CCHCR1: variants seen among roughly 807,000 people sequenced by gnomAD.
The protein encoded by CCHCR1 is coiled-coil alpha-helical rod protein 1.
Under a neutral mutation model 114.6 loss-of-function variants are expected in CCHCR1, and 91 were observed. The observed-to-expected ratio is 0.79, with a 90% confidence interval of 0.67 to 0.94. CCHCR1 has a LOEUF of 0.94. Ranked by LOEUF, CCHCR1 falls within the 40% of genes least tolerant of loss-of-function variation. The pLI is 0.00. For missense variants in CCHCR1, 899 were observed against 1,079.9 expected, an observed-to-expected ratio of 0.83 and a Z score of 2.35; for synonymous variants, 379 against 428.5, an observed-to-expected ratio of 0.88 and a Z score of 1.43.
chr6:31,143,366 G>C lies in CCHCR1; in HGVS notation c.2215C>G (p.Arg739Gly). The change falls in exon 16 of 18, where the codon CGG becomes GGG. Residue 739 changes from arginine to glycine, a missense_variant. Arg to Gly is a moderately radical substitution (Grantham distance 125, BLOSUM62 -2). Transcript: ENST00000396268. The surrounding 1 kb of genome is among the most constrained non-coding windows in gnomAD (Gnocchi z 5.3). ...TGCAGACGCCTGAGTTCCTGGCTCC[G>C]CTCCTTTTCCTGGGCGGCTCTGCGC... ...IQRRAAQEKE[R>G]SQELRRLQEE... 1 of 1,612,856 alleles carries C rather than the reference G, an allele frequency of 6.2e-7. No homozygotes were observed. Among genetic ancestry groups the C allele is most frequent in the South Asian group, 1.1e-5 (1 of 91,082 alleles).
Position 31,143,200 on chromosome 6 carries a change from TAGCCCAGGAACC to T in CCHCR1, c.2319+50_2319+61del. 2.5e-6 allele frequency: 4 copies of T among 1,610,500 alleles called. No individual in the cohort carries two copies. On this transcript the variant is annotated intron_variant, in intron 16 of 17. Transcript: ENST00000396268. The surrounding 1 kb of genome is among the most constrained non-coding windows in gnomAD (Gnocchi z 5.3). The stretch of plus-strand genomic sequence containing the variant: ...CCTCACCATCCTCTTTCCACACCTC[TAGCCCAGGAACC>T]AGCCCAGGATGGGCCCTAGTGTCTG...
rs1773906554 is a variant in CCHCR1 at position 31,143,814 on chromosome 6, A to G, written c.2168-401T>C. Among the ~76,000 whole-genome samples, 1 of 152,200 alleles carries G rather than the reference A, an allele frequency of 6.6e-6. No individual in the cohort carries two copies. The highest frequency in any genetic ancestry group is 1.5e-5 in the Non-Finnish European group (1 of 68,034). On this transcript the variant is annotated intron_variant, in intron 15 of 17. Transcript: ENST00000396268. This position sits in a 1 kb window ranked among gnomAD's most constrained non-coding sequence, Gnocchi z 5.3. ...GGTGGCTCACGCCTATAATCCCAGC[A>G]CTTTGGGATGCCAAGGCGGGCGGAT...
intron 10 of CCHCR1, among the ~76,000 whole-genome samples, 172 bp from the exon 11 acceptor site, chr6:31,145,980 T>A (rs1201663464): frequency 6.6e-6 from 1 of 152,238 alleles, no homozygotes; most frequent in Non-Finnish European, 1.5e-5. Context: ...TAAATGACTA[T>A]CTTTTTAAGC....
intron 17 of CCHCR1, 60 bp from the exon 18 acceptor site, chr6:31,142,776 A>T: frequency 6.3e-7 from 1 of 1,580,834 alleles, no homozygotes; most frequent in Non-Finnish European, 8.6e-7. Context: ...GTTACAGAGG[A>T]AACAGGGCTG....
At position 31,151,047 on chromosome 6, in the gene CCHCR1, G is replaced by A; in HGVS notation, c.877C>T (p.Leu293=). The part of the protein sequence containing the change: ...TSKAEGLEKS[L]SSLETRRAGE... ...GCTCTTCTGGTTTCCAGACTACTCAGAGACTTCTCCAAGCCCTCAGCCTTG... is the reference window on the plus strand; with the variant it reads ...GCTCTTCTGGTTTCCAGACTACTCAAAGACTTCTCCAAGCCCTCAGCCTTG... Residue 293 remains leucine (L), a synonymous_variant, in exon 5 of 18, where the codon CTG becomes TTG. Coordinates refer to ENST00000396268, the MANE Select transcript of CCHCR1 (RefSeq NM_001105564.2). The surrounding 1 kb of genome is among the most constrained non-coding windows in gnomAD (Gnocchi z 4.1). The A allele has an allele frequency of 6.2e-7, 1 of 1,613,096 alleles. No homozygotes were observed. Among genetic ancestry groups the A allele is most frequent in the Non-Finnish European group, 8.5e-7 (1 of 1,180,034 alleles).
At position 31,150,379 on chromosome 6, in the gene CCHCR1, G is replaced by T; in HGVS notation, c.1212+76C>A. ...GTTCTGGGGCACATTGACCCCTCCT[G>T]CCCACAGGGAGGGAGGCAGGGGACA... On this transcript the variant is annotated intron_variant, in intron 7 of 17. Coordinates refer to ENST00000396268, the MANE Select transcript of CCHCR1 (RefSeq NM_001105564.2). The surrounding 1 kb of genome is among the most constrained non-coding windows in gnomAD (Gnocchi z 5.3). 3 of 1,391,176 alleles carry T rather than the reference G, an allele frequency of 2.2e-6. No individual in the cohort carries two copies. The highest frequency in any genetic ancestry group is 3.0e-6 in the Non-Finnish European group (3 of 990,514). The allele number at this position is 1,391,176 out of a possible 1,614,324, so 86.2% of individuals were successfully genotyped here. A position where few individuals can be genotyped will look rare whatever the true frequency, so the allele number is the denominator to read the frequency against.
rs1322403415 is a variant in CCHCR1, at chr6:31,150,751, G to A, written c.1075C>T (p.Arg359Ter). The change falls in exon 6 of 18, where the codon CGA becomes TGA. Residue 359 changes from arginine to a stop codon, truncating the protein, a stop_gained. Transcript: ENST00000396268. LOFTEE classifies it high-confidence loss of function. The surrounding 1 kb of genome is among the most constrained non-coding windows in gnomAD (Gnocchi z 5.3). ...EVHSQTWELERQKLLETMQHL... is the reference protein window; with the variant it reads ...EVHSQTWELE ...TGCATGGTTTCCAGAAGCTTCTGTC[G>A]CTCCAGTTCCCATGTCTGGCTGTGG... The A allele has an allele frequency of 3.1e-6, 5 of 1,612,886 alleles. No individual in the cohort carries two copies. The highest frequency in any genetic ancestry group is 1.7e-5 in the Admixed American group (1 of 59,986).
In CCHCR1 at chr6:31,151,038, G is replaced by C. The variant is rs892586116; in HGVS notation, c.886C>G (p.Leu296Val). 23 of 1,613,078 alleles carry C rather than the reference G, an allele frequency of 1.4e-5. No individual in the cohort carries two copies. The African/African-American group carries it at 2.3e-4, about 16-fold the overall frequency. Residue 296 changes from leucine to valine, a missense_variant, in exon 5 of 18, where the codon CTG (leucine) becomes GTG (valine). Physicochemically the swap from Leu to Val is conservative, Grantham distance 32. Transcript: ENST00000396268. This position sits in a 1 kb window ranked among gnomAD's most constrained non-coding sequence, Gnocchi z 4.1. ...GCTTCCCCTGCTCTTCTGGTTTCCA[G>C]ACTACTCAGAGACTTCTCCAAGCCC... The part of the protein sequence containing the change: ...AEGLEKSLSS[L>V]ETRRAGEAKE...
At chr6:31,148,857 G>GGGGGGGGGGGGC in intron 8 of CCHCR1, 129 bp from the exon 9 acceptor site, 1 of 84,500 alleles carries the variant, frequency 1.2e-5, no homozygotes, top group South Asian at 4.0e-4. Context: ...GGGGGGGCGG[G>GGGGGGGGGGGGC]CGACGGGGGT....
chr6:31,150,454 C>G lies in CCHCR1; in HGVS notation c.1212+1G>C, dbSNP rs755673651. The stretch of plus-strand genomic sequence containing the variant: ...TGAGGGGTCTGGGGGTTGGGCTGTA[C>G]CTTCCTGGTCAGCTCCTCCTCCTGC... On this transcript the variant is annotated splice_donor_variant, in intron 7 of 17. Coordinates refer to ENST00000396268, the MANE Select transcript of CCHCR1 (RefSeq NM_001105564.2). LOFTEE classifies it high-confidence loss of function. This position sits in a 1 kb window ranked among gnomAD's most constrained non-coding sequence, Gnocchi z 5.3. 3.4e-5 allele frequency: 54 copies of G among 1,610,224 alleles called. No individual in the cohort carries two copies. The highest frequency in any genetic ancestry group is 6.7e-5 in the Admixed American group (4 of 59,878).
intron 4 of CCHCR1, among the ~76,000 whole-genome samples, chr6:31,152,334 A>AT (rs975404428): frequency 4.6e-5 from 7 of 150,846 alleles, no homozygotes; most frequent in African/African-American, 9.8e-5. Context: ...TGAAAAAACA[A>AT]TTTTTTTTTG....
chr6:31,147,335 G>C lies in CCHCR1; in HGVS notation c.1580+1070C>G, dbSNP rs59878855. 1.7e-3 allele frequency among the ~76,000 whole-genome samples: 255 copies of C among 150,358 alleles called. 1 individual carries two copies. The highest frequency in any genetic ancestry group is 6.1e-3 in the African/African-American group (248 of 40,450). ...AAATCGTGTGAACCCGGGAGGCAGA[G>C]GTTGCAGTGAGCTGAGATCGTGCCA... On this transcript the variant is annotated intron_variant, in intron 10 of 17. Transcript: ENST00000396268.
chr6:31,156,978 C>T (rs1317014326), intron 2 of CCHCR1, 34 bp from the exon 3 acceptor site: 15 of 1,612,042 alleles, frequency 9.3e-6, no homozygotes, highest in Non-Finnish European at 1.2e-5. Flanking sequence ...TGGTCAGTTT[C>T]CCAGGCAGAG....
rs1297550361 is a variant in CCHCR1 at position 31,154,150 on chromosome 6, C to T, written c.801+346G>A. Among the ~76,000 whole-genome samples, 1 of 152,122 alleles carries T rather than the reference C, an allele frequency of 6.6e-6. No homozygotes were observed. Among genetic ancestry groups the T allele is most frequent in the Non-Finnish European group, 1.5e-5 (1 of 68,026 alleles). ...GAATAATCTCTCTCTCCCAGTCCACCATAGCCCCCTTATACCCACCTTCCT... is the reference window on the plus strand; with the variant it reads ...GAATAATCTCTCTCTCCCAGTCCACTATAGCCCCCTTATACCCACCTTCCT... On this transcript the variant is annotated intron_variant, in intron 4 of 17. Coordinates refer to ENST00000396268, the MANE Select transcript of CCHCR1 (RefSeq NM_001105564.2). This position sits in a 1 kb window ranked among gnomAD's most constrained non-coding sequence, Gnocchi z 4.1.
chr6:31,156,276 C>T (rs150727255), intron 3 of CCHCR1: 263 of 164,010 alleles, frequency 1.6e-3, no homozygotes, highest in East Asian at 3.2e-3. Context: ...TATCCCAGTA[C>T]ATCTGGGAAA....
At chr6:31,146,328 G>C (rs1774328007) in intron 10 of CCHCR1, among the ~76,000 whole-genome samples, 1 of 152,206 alleles carries the variant, frequency 6.6e-6, no homozygotes, top group Non-Finnish European at 1.5e-5. Context: ...CTGGGTGACA[G>C]AGCGAGACTC....
chr6:31,148,645 C>A lies in CCHCR1; in HGVS notation c.1446G>T (p.Glu482Asp), dbSNP rs1268258792. The change falls in exon 9 of 18, where the codon GAG becomes GAT. Residue 482 changes from glutamate (E) to aspartate (D), a missense_variant. Transcript: ENST00000396268. ...TGGCACCCATACGCTCCACCTCCACCTCTGCGGCTTTGTCCTGCAGGGATC... is the reference window on the plus strand; with the variant it reads ...TGGCACCCATACGCTCCACCTCCACATCTGCGGCTTTGTCCTGCAGGGATC... The part of the protein sequence containing the change: ...LQRSLQDKAA[E>D]VEVERMGAKG... 6.2e-7 allele frequency: 1 copy of A among 1,612,902 alleles called. No homozygotes were observed. Among genetic ancestry groups the A allele is most frequent in the Admixed American group, 1.7e-5 (1 of 60,018 alleles).
Position 31,150,770 on chromosome 6 carries a change from G to C in CCHCR1, c.1056C>G (p.Ser352Arg). ...TCTGTCGCTCCAGTTCCCATGTCTG[G>C]CTGTGGACCTCAGAAGGCACTTGTT... The part of the protein sequence containing the change: ...VGEQVPSEVH[S>R]QTWELERQKL... Residue 352 changes from serine to arginine, a missense_variant, in exon 6 of 18, where the codon AGC becomes AGG. Ser to Arg is a moderately radical substitution (Grantham distance 110). Transcript: ENST00000396268. The surrounding 1 kb of genome is among the most constrained non-coding windows in gnomAD (Gnocchi z 5.3). 6.2e-7 allele frequency: 1 copy of C among 1,613,052 alleles called. No individual in the cohort carries two copies. The highest frequency in any genetic ancestry group is 8.5e-7 in the Non-Finnish European group (1 of 1,180,022).
At chr6:31,152,232 A>C (rs1442710638) in intron 4 of CCHCR1, among the ~76,000 whole-genome samples, 1 of 150,762 alleles carries the variant, frequency 6.6e-6, no homozygotes, top group Non-Finnish European at 1.5e-5. Flanking sequence ...CAGTGAGCCA[A>C]GATCGCGCCA....
Sources: gnomAD v4.1 joint callset for allele counts (sites outside exome capture counted in the v4.1 genomes callset) on GRCh38, gnomAD v4.1.1 for gene constraint, Gnocchi (gnomAD v3.1) non-coding constraint, MANE v1.5 for transcripts, NCBI Gene and HGNC (gene_info 2026-07-23, HGNC 2026-07-21) for gene names.